DPP10: variants seen among roughly 807,000 people sequenced by gnomAD.
DPP10 encodes dipeptidyl peptidase like 10, also known as inactive dipeptidyl peptidase 10.
Under a neutral mutation model 120.9 loss-of-function variants are expected in DPP10, and 33 were observed. The ratio of observed to expected loss-of-function variants is 0.27; its 90% CI spans 0.21 to 0.37. The LOEUF is 0.37. Ranked by LOEUF, DPP10 falls within the 10% of genes least tolerant of loss-of-function variation. The pLI, the probability that DPP10 is intolerant of heterozygous loss-of-function variation, is 1.00. For synonymous variants in DPP10, 337 were observed against 326.1 expected (o/e 1.03, Z -0.36); for missense variants, 816 against 942.8 (o/e 0.87, Z 1.76).
chr2:115,048,963 T>C (rs1401401900), intron 1 of DPP10, among the ~76,000 whole-genome samples: 1 of 152,156 alleles, frequency 6.6e-6, no homozygotes, highest in Non-Finnish European at 1.5e-5. Context: ...TGTAAGTAAA[T>C]TACATGCAGA....
In DPP10 at chr2:114,542,048, C is replaced by CTTTTT. The variant is rs761961981; in HGVS notation, c.60+99210_60+99211insTTTTT. Among the ~76,000 whole-genome samples, 483 of 122,038 alleles carry CTTTTT rather than the reference C, an allele frequency of 4.0e-3. 12 individuals are homozygous for CTTTTT. Among genetic ancestry groups the CTTTTT allele is most frequent in the Non-Finnish European group, 5.5e-3 (332 of 60,088 alleles). 80.1% of individuals were successfully genotyped at this position (122,038 alleles called of 152,430 possible). ...TACAGTTTTTTTTCTTTCTTTCTTT[C>CTTTTT]CTTTTTTTTTTTTTTTTGAGATGGA... On this transcript the variant is annotated intron_variant, in intron 1 of 25. Coordinates refer to ENST00000410059, the MANE Select transcript of DPP10 (RefSeq NM_020868.6).
At chr2:115,728,027 C>T in intron 8 of DPP10, 91 bp downstream of exon 8, 1 of 1,393,068 alleles carries the variant, frequency 7.2e-7, no homozygotes, top group Non-Finnish European at 9.7e-7. Context: ...CGGAGCAATA[C>T]TTACAGTACA....
intron 5 of DPP10, among the ~76,000 whole-genome samples, chr2:115,590,118 T>G (rs1270858037): frequency 9.6e-6 from 1 of 104,064 alleles, no homozygotes; most frequent in African/African-American, 7.4e-5. Flanking sequence ...TTCCTTTTCT[T>G]TTTTTTTTTT....
At chr2:115,687,778 C>G (rs1404047955) in intron 5 of DPP10, among the ~76,000 whole-genome samples, 1 of 152,134 alleles carries the variant, frequency 6.6e-6, no homozygotes, top group Non-Finnish European at 1.5e-5. Context: ...AAAAATAGTG[C>G]AGAAAGAGAC....
intron 21 of DPP10, among the ~76,000 whole-genome samples, chr2:115,818,018 A>G (rs188762470): frequency 1.3e-5 from 2 of 152,292 alleles, no homozygotes; most frequent in Admixed American, 1.3e-4. Flanking sequence ...AGATAAATAG[A>G]GAACAACCAA....
chr2:114,486,976 T>G (rs1225705600), intron 1 of DPP10, among the ~76,000 whole-genome samples: 1 of 152,190 alleles, frequency 6.6e-6, no homozygotes, highest in Admixed American at 6.6e-5. Flanking sequence ...GCAATTTACA[T>G]TTTGCATAAT....
At chr2:114,987,643 G>T (rs934943630) in intron 1 of DPP10, among the ~76,000 whole-genome samples, 2 of 151,916 alleles carry the variant, frequency 1.3e-5, no homozygotes, top group Non-Finnish European at 2.9e-5. Context: ...TCTTACTTTC[G>T]AATGGAAATT....
chr2:115,836,798 G>A, intron 24 of DPP10, 52 bp downstream of exon 24: 1 of 1,540,830 alleles, frequency 6.5e-7, no homozygotes, highest in Non-Finnish European at 8.8e-7. Flanking sequence ...CTTTTACAAA[G>A]GGATACATCT....
chr2:114,476,491 T>C (rs1680380766), intron 1 of DPP10, among the ~76,000 whole-genome samples: 1 of 152,232 alleles, frequency 6.6e-6, no homozygotes, highest in East Asian at 1.9e-4. Context: ...CCAATGAAGC[T>C]GTTCAACACT....
At chr2:115,337,602 A>T (rs2063214911) in intron 2 of DPP10, among the ~76,000 whole-genome samples, 1 of 137,840 alleles carries the variant, frequency 7.3e-6, no homozygotes, top group African/African-American at 2.6e-5. Context: ...AAAAGAGAGG[A>T]TTGGTTGCAA....
chr2:115,270,082 AC>A (rs1287822217), intron 1 of DPP10, among the ~76,000 whole-genome samples: 1 of 147,678 alleles, frequency 6.8e-6, no homozygotes, highest in Admixed American at 6.7e-5. Flanking sequence ...ACACACACAC[AC>A]ACACACACAC....
chr2:115,374,254 T>C (rs190706648), intron 3 of DPP10, among the ~76,000 whole-genome samples: 1 of 152,264 alleles, frequency 6.6e-6, no homozygotes, highest in East Asian at 1.9e-4. Context: ...TAAGATACAA[T>C]GGAGGTACAG....
intron 3 of DPP10, among the ~76,000 whole-genome samples, chr2:115,388,111 T>G (rs2067077916): frequency 6.6e-6 from 1 of 152,198 alleles, no homozygotes; most frequent in Admixed American, 6.5e-5. Context: ...CATCACTTTT[T>G]CATTCTCAGA....
intron 1 of DPP10, among the ~76,000 whole-genome samples, chr2:114,635,926 G>A (rs565813165): frequency 6.6e-6 from 1 of 152,022 alleles, no homozygotes; most frequent in Non-Finnish European, 1.5e-5. Flanking sequence ...AATTACATTT[G>A]TTAATATCAC....
intron 1 of DPP10, among the ~76,000 whole-genome samples, chr2:114,661,911 A>C (rs1697432874): frequency 6.6e-6 from 1 of 151,918 alleles, no homozygotes; most frequent in African/African-American, 2.4e-5. Flanking sequence ...CAATGAGCCC[A>C]GGGGTTGACA....
rs767970234 is a variant in DPP10 at position 114,885,407 on chromosome 2, C to G, written c.61-423832C>G. On this transcript the variant is annotated intron_variant, in intron 1 of 25. Transcript: ENST00000410059. ...TCAAATCACCTCCCACCAGGTCCCC[C>G]CTTCAGTACCGGGGATTACAATTCA... 1.6e-4 allele frequency among the ~76,000 whole-genome samples: 25 copies of G among 152,240 alleles called. 2 individuals are homozygous for G. In the South Asian group the frequency reaches 3.7e-3, roughly 23 times the overall value.
At chr2:115,288,740 G>GA (rs1347790546) in intron 1 of DPP10, among the ~76,000 whole-genome samples, 1 of 151,672 alleles carries the variant, frequency 6.6e-6, no homozygotes, top group Non-Finnish European at 1.5e-5. Context: ...GAAAAGAAAA[G>GA]AAAGAAAAGA....
intron 1 of DPP10, among the ~76,000 whole-genome samples, chr2:114,514,357 C>T (rs1684417496): frequency 6.6e-6 from 1 of 152,132 alleles, no homozygotes; most frequent in African/African-American, 2.4e-5. Context: ...CATGACTAGA[C>T]CTTGGTGTCC....
intron 5 of DPP10, among the ~76,000 whole-genome samples, chr2:115,673,524 G>C (rs4362571): frequency 0.077 from 11,767 of 152,174 alleles, 648 homozygotes; most frequent in Non-Finnish European, 0.11. Flanking sequence ...AACAAGTTAG[G>C]TGCCTTAACC....
Sources: allele counts gnomAD v4.1 joint callset (sites outside exome capture counted in the v4.1 genomes callset), GRCh38; gene constraint gnomAD v4.1.1; transcripts MANE v1.5; gene names NCBI Gene and HGNC (gene_info 2026-07-23, HGNC 2026-07-21).